Variants in ALMS1 observed in about 807,000 individuals in gnomAD.
ALMS1 encodes the protein centrosome-associated protein ALMS1.
In ALMS1, 271 loss-of-function variants were observed where a neutral mutation model predicts 352.2. That is an observed-to-expected ratio of 0.77 (90% CI 0.70 to 0.85). ALMS1 has a LOEUF of 0.85. Among genes scored for constraint, ALMS1 ranks in the 40% least tolerant of loss-of-function variants. ALMS1 has a pLI of 0.00. For missense variants in ALMS1, 5,445 were observed against 4,870.7 expected (o/e 1.12, Z -3.51); for synonymous variants, 1,865 against 1,761.2 (o/e 1.06, Z -1.48).
chr2:73,491,808 G>T (rs1672994229), intron 10 of ALMS1, among the ~76,000 whole-genome samples: 1 of 152,140 alleles, frequency 6.6e-6, no homozygotes, highest in Non-Finnish European at 1.5e-5. Context: ...TACTGTGTTG[G>T]ACATATGCTG....
rs775731258 is a variant in ALMS1, at chr2:73,452,444, C to T, written c.5917C>T (p.Pro1973Ser). Residue 1973 changes from proline (P) to serine (S), a missense_variant, in exon 8 of 23, where the codon CCA (proline) becomes TCA (serine). Transcript: ENST00000613296. ...EALKVSPVSI[P>S]AEQKTGIPIG... ...TCTGAAAGTTTCACCTGTTTCTATA[C>T]CAGCAGAGCAGAAGACTGGGATACC... 5 of 1,614,018 alleles carry T rather than the reference C, an allele frequency of 3.1e-6. No individual in the cohort carries two copies. Among genetic ancestry groups the T allele is most frequent in the East Asian group, 4.5e-5 (2 of 44,870 alleles).
At position 73,486,264 on chromosome 2, in the gene ALMS1, GA is replaced by G. The variant is rs572871144; in HGVS notation, c.7675-3369del. On this transcript the variant is annotated intron_variant, in intron 9 of 22. Coordinates refer to ENST00000613296, the MANE Select transcript of ALMS1 (RefSeq NM_001378454.1). ...TCTTGTAACCTGTAGCTGGGAGAGA[GA>G]GGGGCATTTTGTTTTGCTGGATAGT... Among the ~76,000 whole-genome samples, 50 of 152,280 alleles carry G rather than the reference GA, an allele frequency of 3.3e-4. 1 individual carries two copies. The highest frequency in any genetic ancestry group is 1.0e-3 in the Admixed American group (16 of 15,304).
intron 16 of ALMS1, among the ~76,000 whole-genome samples, chr2:73,578,105 G>T (rs1675091069): frequency 6.6e-6 from 1 of 152,064 alleles, no homozygotes; most frequent in Non-Finnish European, 1.5e-5. Context: ...CCTCTTCATG[G>T]ATTGATCCTT....
chr2:73,572,364 T>G lies in ALMS1; in HGVS notation c.10487T>G (p.Ile3496Ser), dbSNP rs1674948390. 1.2e-6 allele frequency: 2 copies of G among 1,609,074 alleles called. No homozygotes were observed. Among genetic ancestry groups the G allele is most frequent in the South Asian group, 2.2e-5 (2 of 89,794 alleles). ...HPVHLPSDQD[I>S]CHESLGKSVF... ...GTACACCTACCAAGTGATCAAGATA[T>G]TTGCCATGAATCTTTGGGAAAGAGT... Residue 3496 changes from isoleucine (I) to serine (S), a missense_variant, in exon 16 of 23, where the codon ATT becomes AGT. Ile to Ser is a moderately radical substitution (Grantham distance 142, BLOSUM62 -2). Coordinates refer to ENST00000613296, the MANE Select transcript of ALMS1 (RefSeq NM_001378454.1).
intron 7 of ALMS1, among the ~76,000 whole-genome samples, chr2:73,440,531 C>T (rs957758066): frequency 1.3e-5 from 2 of 152,060 alleles, no homozygotes; most frequent in African/African-American, 2.4e-5. Context: ...TCAGGCAATT[C>T]TCGTGTCTCA....
chr2:73,459,362 G>A (rs1672139624), intron 9 of ALMS1: 1 of 152,120 alleles, frequency 6.6e-6, no homozygotes. Context: ...TAATTAATAA[G>A]TTAATAAATA....
At chr2:73,565,536 T>A (rs939791950) in intron 15 of ALMS1, among the ~76,000 whole-genome samples, 4 of 152,142 alleles carry the variant, frequency 2.6e-5, no homozygotes, top group African/African-American at 9.7e-5. Flanking sequence ...GGAACATAAC[T>A]CCCACTCTTA....
chr2:73,573,241 C>G lies in ALMS1; in HGVS notation c.11364C>G (p.Ala3788=). 1 of 1,613,684 alleles carries G rather than the reference C, an allele frequency of 6.2e-7. No homozygotes were observed. The highest frequency in any genetic ancestry group is 2.2e-5 in the East Asian group (1 of 44,864). The change falls in exon 16 of 23, where the codon GCC becomes GCG. Residue 3788 remains alanine (A), a synonymous_variant. Coordinates refer to ENST00000613296, the MANE Select transcript of ALMS1 (RefSeq NM_001378454.1). ...RSSSVSTIDT[A]RLIQAFGHER... The stretch of plus-strand genomic sequence containing the variant: ...GCTCTGTTTCCACTATTGACACTGC[C>G]CGGCTGATTCAAGCTTTTGGCCATG...
intron 10 of ALMS1, among the ~76,000 whole-genome samples, chr2:73,515,779 A>G (rs993285414): frequency 2.1e-5 from 3 of 142,510 alleles, no homozygotes; most frequent in Admixed American, 1.4e-4. Context: ...ACACACACAC[A>G]CACACACACA....
upstream of ALMS1, chr2:73,385,828 C>T (rs548057920): frequency 2.0e-5 from 13 of 665,142 alleles, no homozygotes; most frequent in African/African-American, 8.9e-5. Flanking sequence ...CTCCCTCCCC[C>T]CCTCCTCCTC....
chr2:73,589,945 G>T (rs1675390136), intron 16 of ALMS1, among the ~76,000 whole-genome samples: 1 of 151,946 alleles, frequency 6.6e-6, no homozygotes, highest in Admixed American at 6.5e-5. Flanking sequence ...ATTCCTACCT[G>T]CAGTGCATGA....
chr2:73,407,055 T>TG (rs1670987255), intron 1 of ALMS1, among the ~76,000 whole-genome samples: 2 of 152,218 alleles, frequency 1.3e-5, no homozygotes, highest in African/African-American at 4.8e-5. Flanking sequence ...ACTGGGTAGT[T>TG]TATTTTAAAA....
chr2:73,537,508 ATT>A (rs1674055895), intron 12 of ALMS1, among the ~76,000 whole-genome samples: 1 of 152,192 alleles, frequency 6.6e-6, no homozygotes, highest in African/African-American at 2.4e-5. Context: ...CGGGAGATTT[ATT>A]GGTTCTAGGC....
chr2:73,551,216 G>T (rs1045960612), intron 13 of ALMS1, among the ~76,000 whole-genome samples: 4 of 151,878 alleles, frequency 2.6e-5, no homozygotes, highest in Non-Finnish European at 5.9e-5. Flanking sequence ...TAAGATTTTT[G>T]ATTTTCCTTG....
chr2:73,449,149 C>T lies in ALMS1; in HGVS notation c.2622C>T (p.Thr874=). ...GEKPSAFYQQ[T]LPNSHLTEEA... Reference sequence around the variant, plus strand: ...AGCCCAGTGCTTTCTATCAGCAGACCTTACCCAATAGTCATCTAACTGAAG... The same window carrying T: ...AGCCCAGTGCTTTCTATCAGCAGACTTTACCCAATAGTCATCTAACTGAAG... The change falls in exon 8 of 23, where the codon ACC becomes ACT. Residue 874 remains threonine, a synonymous_variant. Coordinates refer to ENST00000613296, the MANE Select transcript of ALMS1 (RefSeq NM_001378454.1). The T allele has an allele frequency of 1.2e-6, 2 of 1,614,066 alleles. No homozygotes were observed. The highest frequency in any genetic ancestry group is 8.5e-7 in the Non-Finnish European group (1 of 1,179,986).
In ALMS1 at chr2:73,534,855, T is replaced by G. The variant is rs563094053; in HGVS notation, c.9813T>G (p.Ser3271=). 1 of 1,613,764 alleles carries G rather than the reference T, an allele frequency of 6.2e-7. No individual in the cohort carries two copies. The highest frequency in any genetic ancestry group is 1.3e-5 in the African/African-American group (1 of 75,040). ...CTTTATTATTGCCATATAAGCCTTC[T>G]GGTAGTACCAAGATGTATTATGTTC... The part of the protein sequence containing the change: ...GQPLLLPYKP[S]GSTKMYYVPQ... The change falls in exon 12 of 23, where the codon TCT becomes TCG. Residue 3271 remains serine, a synonymous_variant. Transcript: ENST00000613296.
intron 10 of ALMS1, among the ~76,000 whole-genome samples, chr2:73,495,754 C>T (rs1361675139): frequency 6.6e-6 from 1 of 152,050 alleles, no homozygotes; most frequent in East Asian, 1.9e-4. Context: ...CATATTGATA[C>T]CTCTGACTCT....
intron 11 of ALMS1, among the ~76,000 whole-genome samples, chr2:73,521,060 T>C (rs1037977986): frequency 6.6e-6 from 1 of 152,210 alleles, no homozygotes; most frequent in African/African-American, 2.4e-5. Flanking sequence ...AGCATTTAAA[T>C]TGCATTGAAT....
At chr2:73,390,419 A>G (rs1215797928) in intron 1 of ALMS1, among the ~76,000 whole-genome samples, 3 of 152,188 alleles carry the variant, frequency 2.0e-5, no homozygotes, top group Admixed American at 1.3e-4. Flanking sequence ...GTGTTATTCA[A>G]TTTACTCTCA....
Sources: gnomAD v4.1 joint callset for allele counts (sites outside exome capture counted in the v4.1 genomes callset) on GRCh38, gnomAD v4.1.1 for gene constraint, MANE v1.5 for transcripts, NCBI Gene and HGNC (gene_info 2026-07-23, HGNC 2026-07-21) for gene names.